The following PRKCQ variants were observed in gnomAD, a reference collection of about 807,000 sequenced individuals.
The protein encoded by PRKCQ is protein kinase C theta.
PRKCQ carries 41 observed loss-of-function variants against 91.2 expected under a neutral mutation model. That is an observed-to-expected ratio of 0.45 (90% CI 0.35 to 0.58). PRKCQ has a LOEUF of 0.58. Ranked by LOEUF, PRKCQ falls within the 20% of genes least tolerant of loss-of-function variation. The pLI is 0.00. For synonymous variants in PRKCQ, 307 were observed against 316.9 expected, an observed-to-expected ratio of 0.97 and a Z score of 0.33; for missense variants, 673 against 896.5, an observed-to-expected ratio of 0.75 and a Z score of 3.18.
chr10:6,494,441 C>T (rs1392722585), intron 7 of PRKCQ, among the ~76,000 whole-genome samples: 2 of 145,842 alleles, frequency 1.4e-5, no homozygotes, highest in Non-Finnish European at 3.0e-5. Context: ...TATCAACTTA[C>T]AGGTTGTTTT....
intron 13 of PRKCQ, among the ~76,000 whole-genome samples, chr10:6,463,004 C>CAAAA (rs57879218): frequency 7.9e-6 from 1 of 127,112 alleles, no homozygotes. Flanking sequence ...GACTCTGACT[C>CAAAA]AAAAAAAAAA....
intron 1 of PRKCQ, among the ~76,000 whole-genome samples, chr10:6,571,817 CA>C (rs1204775594): frequency 6.6e-6 from 1 of 152,022 alleles, no homozygotes; most frequent in Non-Finnish European, 1.5e-5. Context: ...AACAAACAAA[CA>C]AACAAACCAA....
chr10:6,411,865 T>G, the PRKCQ span, among the ~76,000 whole-genome samples: 1 of 152,210 alleles, frequency 6.6e-6, no homozygotes, highest in Non-Finnish European at 1.5e-5. Flanking sequence ...ACAGGGATAG[T>G]AATGCCATAT....
intron 8 of PRKCQ, among the ~76,000 whole-genome samples, 153 bp from the exon 9 acceptor site, chr10:6,486,297 G>A (rs1393546941): frequency 6.6e-6 from 1 of 152,168 alleles, no homozygotes; most frequent in African/African-American, 2.4e-5. Context: ...CCCTGGTAGT[G>A]ATCCTCGTGC....
rs542470908 is a variant in PRKCQ at position 6,564,733 on chromosome 10, T to A, written c.-10+15478A>T. Among the ~76,000 whole-genome samples, 18 of 152,304 alleles carry A rather than the reference T, an allele frequency of 1.2e-4. 1 individual carries two copies. The South Asian group carries it at 3.7e-3, about 32-fold the overall frequency. ...AGAACAAATACAATGGTGCTGTTTT[T>A]TTAAGCCACTAAGTTTGGGAGCAGT... On this transcript the variant is annotated intron_variant, in intron 1 of 17. Transcript: ENST00000263125.
rs111408587 is a variant in PRKCQ, at chr10:6,461,216, C to CCCAT, written c.1508+1083_1508+1086dup. Among the ~76,000 whole-genome samples the CCCAT allele has an allele frequency of 6.6e-5, 10 of 151,958 alleles. 1 individual carries two copies. Among genetic ancestry groups the CCCAT allele is most frequent in the African/African-American group, 1.9e-4 (8 of 41,458 alleles). On this transcript the variant is annotated intron_variant, in intron 14 of 17. Coordinates refer to ENST00000263125, the MANE Select transcript of PRKCQ (RefSeq NM_006257.5). ...TTGTCCATCCATTCAACCATCCACA[C>CCCAT]CCATCCATCCATCCAAATATCTGTT...
At chr10:6,422,286 C>T (rs1833025396), downstream of PRKCQ, among the ~76,000 whole-genome samples, 1 of 152,044 alleles carries the variant, frequency 6.6e-6, no homozygotes, top group Non-Finnish European at 1.5e-5. Context: ...TATTATTGTC[C>T]TTATTTTATT....
At chr10:6,578,263 A>G (rs12244425) in intron 1 of PRKCQ, among the ~76,000 whole-genome samples, 3,895 of 152,334 alleles carry the variant, frequency 0.026, 157 homozygotes, top group African/African-American at 0.08. Context: ...CGAAGACGCA[A>G]TGAGGACATG....
intron 17 of PRKCQ, 94 bp from the exon 18 acceptor site, chr10:6,428,456 A>G: frequency 7.1e-7 from 1 of 1,410,194 alleles, no homozygotes; most frequent in Non-Finnish European, 9.7e-7. Context: ...TGATCTGCGT[A>G]TGGCAAAGTT....
chr10:6,462,431 AGACT>A (rs1835403204), intron 13 of PRKCQ, 66 bp from the exon 14 acceptor site: 1 of 1,471,100 alleles, frequency 6.8e-7, no homozygotes, highest in African/African-American at 1.4e-5. Context: ...TCCCAAACCC[AGACT>A]GACCTTTTTC....
At chr10:6,521,922 G>GTTATTTATTTATTTATTTATTTAT (rs71379861) in intron 1 of PRKCQ, among the ~76,000 whole-genome samples, 2 of 63,266 alleles carry the variant, frequency 3.2e-5, no homozygotes, top group African/African-American at 9.0e-5. Context: ...GTTATGTTAT[G>GTTATTTATTTATTTATTTATTTAT]TTATTTATTT....
intron 1 of PRKCQ, among the ~76,000 whole-genome samples, chr10:6,568,773 C>G (rs1271681246): frequency 6.6e-6 from 1 of 152,144 alleles, no homozygotes; most frequent in Non-Finnish European, 1.5e-5. Context: ...GCTGAGATAA[C>G]AGGCGTGAGC....
chr10:6,562,121 G>A (rs998582456), intron 1 of PRKCQ, among the ~76,000 whole-genome samples: 7 of 152,000 alleles, frequency 4.6e-5, no homozygotes, highest in African/African-American at 1.2e-4. Flanking sequence ...AAGAGAGAGG[G>A]ATTGAGGTGG....
chr10:6,461,220 T>C (rs1254062632), intron 14 of PRKCQ, among the ~76,000 whole-genome samples: 1 of 151,694 alleles, frequency 6.6e-6, no homozygotes, highest in African/African-American at 2.4e-5. Context: ...TCCACACCCA[T>C]CCATCCATCC....
chr10:6,537,995 C>A (rs964110511), intron 1 of PRKCQ, among the ~76,000 whole-genome samples: 1 of 152,172 alleles, frequency 6.6e-6, no homozygotes, highest in Non-Finnish European at 1.5e-5. Flanking sequence ...TGGCCTCCTG[C>A]AAAACAGGAA....
chr10:6,460,772 G>T (rs183660155), intron 14 of PRKCQ, among the ~76,000 whole-genome samples: 3 of 148,014 alleles, frequency 2.0e-5, no homozygotes, highest in African/African-American at 7.4e-5. Flanking sequence ...ATTTGCAGGT[G>T]TGAGCCACTG....
At chr10:6,476,408 C>T (rs753030368) in intron 12 of PRKCQ, among the ~76,000 whole-genome samples, 1 of 151,236 alleles carries the variant, frequency 6.6e-6, no homozygotes. Context: ...TAGTAACATA[C>T]ACAGAAAGAT....
chr10:6,523,052 T>C (rs1404655900), intron 1 of PRKCQ, among the ~76,000 whole-genome samples: 1 of 152,100 alleles, frequency 6.6e-6, no homozygotes, highest in Non-Finnish European at 1.5e-5. Context: ...AATCACATAG[T>C]TGGGTAGCGT....
intron 12 of PRKCQ, among the ~76,000 whole-genome samples, chr10:6,468,114 T>A (rs1325434049): frequency 6.6e-6 from 1 of 152,212 alleles, no homozygotes; most frequent in Non-Finnish European, 1.5e-5. Flanking sequence ...CTCATAGGAC[T>A]GCGTTTGCAT....
Sources: gnomAD v4.1 joint callset for allele counts (sites outside exome capture counted in the v4.1 genomes callset) on GRCh38, gnomAD v4.1.1 for gene constraint, MANE v1.5 for transcripts, NCBI Gene and HGNC (gene_info 2026-07-23, HGNC 2026-07-21) for gene names.